APBB2: variants seen among roughly 807,000 people sequenced by gnomAD.
APBB2 encodes the protein amyloid beta precursor protein binding family B member 2, also known as Fe65-like 1.
A neutral mutation model predicts 82.5 loss-of-function variants in APBB2; 38 were observed. The observed-to-expected ratio is 0.46, with a 90% CI of 0.36 to 0.60. The LOEUF (loss-of-function observed/expected upper bound fraction) is 0.60. Among genes scored for constraint, APBB2 ranks in the 20% least tolerant of loss-of-function variants. The probability of loss-of-function intolerance (pLI) is 0.00; values close to 1 mark genes in which losing one functional copy is unlikely to be tolerated. For synonymous variants in APBB2, 341 were observed against 368.2 expected (o/e 0.93, Z 0.85); for missense variants, 772 against 972.3 (o/e 0.79, Z 2.74).
intron 1 of APBB2, among the ~76,000 whole-genome samples, chr4:41,207,067 C>A (rs1434006687): frequency 6.6e-6 from 1 of 151,866 alleles, no homozygotes. Context: ...GATACAGTGG[C>A]GGGCACCTGT....
intron 6 of APBB2, among the ~76,000 whole-genome samples, chr4:41,004,769 G>A (rs1286982101): frequency 2.2e-5 from 3 of 134,832 alleles, no homozygotes; most frequent in Admixed American, 1.8e-4. Flanking sequence ...CCTGGGAGGC[G>A]GACCTTGCAG....
At chr4:41,200,907 C>T (rs1776536923) in intron 1 of APBB2, among the ~76,000 whole-genome samples, 1 of 152,144 alleles carries the variant, frequency 6.6e-6, no homozygotes, top group African/African-American at 2.4e-5. Flanking sequence ...TTCACATATA[C>T]TGAGTGCTTT....
intron 6 of APBB2, among the ~76,000 whole-genome samples, chr4:40,991,884 TGA>T (rs1442315939): frequency 6.6e-6 from 1 of 152,138 alleles, no homozygotes; most frequent in Non-Finnish European, 1.5e-5. Flanking sequence ...GAATCTTCTA[TGA>T]GAGTGGTCTG....
intron 4 of APBB2, among the ~76,000 whole-genome samples, chr4:41,037,006 G>A (rs930751072): frequency 2.6e-5 from 4 of 152,166 alleles, no homozygotes; most frequent in African/African-American, 9.7e-5. Context: ...GTCCAATACA[G>A]TCCCTGTCTA....
intron 2 of APBB2, among the ~76,000 whole-genome samples, chr4:41,133,068 A>T (rs1000851976): frequency 6.6e-6 from 1 of 152,176 alleles, no homozygotes; most frequent in Non-Finnish European, 1.5e-5. Flanking sequence ...TACCTTTTTT[A>T]AAAAAATTAT....
intron 5 of APBB2, among the ~76,000 whole-genome samples, chr4:41,024,288 C>T (rs762911740): frequency 2.6e-5 from 4 of 152,162 alleles, no homozygotes; most frequent in Non-Finnish European, 4.4e-5. Flanking sequence ...GATTTCATGA[C>T]AAAGACACCA....
chr4:40,895,625 G>C (rs1185073561), intron 10 of APBB2, among the ~76,000 whole-genome samples: 1 of 152,180 alleles, frequency 6.6e-6, no homozygotes, highest in Non-Finnish European at 1.5e-5. Context: ...ACGCACAATT[G>C]TGCCAGTCTG....
At chr4:41,187,226 A>C (rs1479937646) in intron 1 of APBB2, among the ~76,000 whole-genome samples, 1 of 152,184 alleles carries the variant, frequency 6.6e-6, no homozygotes, top group Non-Finnish European at 1.5e-5. Context: ...TTAAAATGTA[A>C]CACCTATCAA....
chr4:41,006,115 G>A (rs568113933), intron 6 of APBB2, among the ~76,000 whole-genome samples: 14 of 152,256 alleles, frequency 9.2e-5, no homozygotes, highest in African/African-American at 3.4e-4. Context: ...TTATTCACTG[G>A]AACATATATT....
intron 1 of APBB2, among the ~76,000 whole-genome samples, chr4:41,200,861 A>G (rs1776525678): frequency 6.6e-6 from 1 of 152,152 alleles, no homozygotes; most frequent in African/African-American, 2.4e-5. Flanking sequence ...GAAAATATTC[A>G]GGGTGTGTGT....
chr4:40,851,997 A>T (rs1382784856), intron 12 of APBB2, among the ~76,000 whole-genome samples: 1 of 152,084 alleles, frequency 6.6e-6, no homozygotes, highest in African/African-American at 2.4e-5. Context: ...ATATGGAACA[A>T]ATTTTATATT....
At chr4:41,182,327 G>A (rs1435994969) in intron 1 of APBB2, among the ~76,000 whole-genome samples, 1 of 152,126 alleles carries the variant, frequency 6.6e-6, no homozygotes, top group Non-Finnish European at 1.5e-5. Context: ...TCATTCTACT[G>A]AATGATTACT....
At chr4:41,093,459 T>C (rs923890794) in intron 3 of APBB2, among the ~76,000 whole-genome samples, 41 of 152,206 alleles carry the variant, frequency 2.7e-4, no homozygotes, top group Non-Finnish European at 5.0e-4. Context: ...ATTTTTTTTT[T>C]CCCTAAGTTC....
At chr4:41,141,334 G>GTGTGTGTGTGTC (rs1759123337) in intron 2 of APBB2, among the ~76,000 whole-genome samples, 3 of 99,018 alleles carry the variant, frequency 3.0e-5, no homozygotes, top group African/African-American at 1.1e-4. Flanking sequence ...GTGTGTGTCT[G>GTGTGTGTGTGTC]TGTGTGTGTG....
At position 40,815,210 on chromosome 4, in the gene APBB2, C is replaced by G. The variant is rs746157583; in HGVS notation, c.*882G>C. 2 of 152,590 alleles carry G rather than the reference C, an allele frequency of 1.3e-5. No homozygotes were observed. Among genetic ancestry groups the G allele is most frequent in the East Asian group, 3.8e-4 (2 of 5,202 alleles). 9.5% of individuals were successfully genotyped at this position (152,590 alleles called of 1,614,324 possible). A position where few individuals can be genotyped will look rare whatever the true frequency, so the allele number is the denominator to read the frequency against. ...TAATTCTCAAACTAAGGATGAAAGG[C>G]TGATGAGGAGTATTTCATCTTAATG... is the stretch of plus-strand genomic sequence containing the variant. On this transcript the variant is annotated 3_prime_UTR_variant, in exon 18 of 18. Transcript: ENST00000508593.
intron 6 of APBB2, among the ~76,000 whole-genome samples, chr4:40,954,096 TG>T (rs1308779900): frequency 6.6e-6 from 1 of 151,782 alleles, no homozygotes; most frequent in Non-Finnish European, 1.5e-5. Flanking sequence ...CACTCCCGGG[TG>T]GGGCCAGTGT....
intron 6 of APBB2, among the ~76,000 whole-genome samples, chr4:40,984,835 G>T (rs1010666502): frequency 3.3e-5 from 5 of 152,030 alleles, no homozygotes. Flanking sequence ...TTAAAAATAC[G>T]TGGTACTAGA....
chr4:41,115,615 A>G (rs1350393412), intron 2 of APBB2, among the ~76,000 whole-genome samples: 1 of 152,234 alleles, frequency 6.6e-6, no homozygotes, highest in Non-Finnish European at 1.5e-5. Context: ...AGGAGCTTAA[A>G]AAAATTTCCA....
chr4:40,964,329 AC>A (rs1175917964), intron 6 of APBB2, among the ~76,000 whole-genome samples: 1 of 151,856 alleles, frequency 6.6e-6, no homozygotes, highest in Admixed American at 6.6e-5. Flanking sequence ...CCCTAAAAAA[AC>A]AGTCCATAAC....
Sources: gnomAD v4.1 joint callset for allele counts (sites outside exome capture counted in the v4.1 genomes callset) on GRCh38, gnomAD v4.1.1 for gene constraint, MANE v1.5 for transcripts, NCBI Gene and HGNC (gene_info 2026-07-23, HGNC 2026-07-21) for gene names.